The following ZFHX3 variants were observed in gnomAD, a reference collection of about 807,000 sequenced individuals.
ZFHX3 encodes zinc finger homeobox protein 3.
Under a neutral mutation model 279.1 loss-of-function variants are expected in ZFHX3, and 42 were observed. The observed-to-expected ratio is 0.15, with a 90% CI of 0.12 to 0.19. The LOEUF (loss-of-function observed/expected upper bound fraction) is 0.19. Ranked by LOEUF, ZFHX3 falls within the 10% of genes least tolerant of loss-of-function variation. The pLI, the probability that ZFHX3 is intolerant of heterozygous loss-of-function variation, is 1.00. For synonymous variants in ZFHX3, 2,293 were observed against 1,957.8 expected, an observed-to-expected ratio of 1.17 and a Z score of -4.52; for missense variants, 4,981 against 4,754.0, an observed-to-expected ratio of 1.05 and a Z score of -1.40.
intron 3 of ZFHX3, among the ~76,000 whole-genome samples, chr16:73,363,484 T>A (rs1378118454): frequency 3.3e-5 from 5 of 152,264 alleles, no homozygotes; most frequent in Middle Eastern, 3.4e-3. Context: ...CCCCTGAATA[T>A]GCACTCAACG....
intron 1 of ZFHX3, among the ~76,000 whole-genome samples, chr16:73,762,386 A>G (rs1236322407): frequency 6.6e-6 from 1 of 152,246 alleles, no homozygotes; most frequent in Non-Finnish European, 1.5e-5. Flanking sequence ...GTGGAAATGT[A>G]AATTAGTTCA....
At chr16:73,784,795 A>AT (rs1302073473) in intron 1 of ZFHX3, among the ~76,000 whole-genome samples, 2,068 of 119,948 alleles carry the variant, frequency 0.017, 21 homozygotes, top group South Asian at 0.03. Context: ...ATAAAAAAAA[A>AT]AATATATATA....
chr16:73,620,943 G>T (rs982248157), intron 2 of ZFHX3, among the ~76,000 whole-genome samples: 1 of 152,254 alleles, frequency 6.6e-6, no homozygotes, highest in South Asian at 2.1e-4. Flanking sequence ...ATCCCAGCCA[G>T]ACCCTTAGAT....
At chr16:73,228,658 G>A (rs1158460398) in intron 5 of ZFHX3, among the ~76,000 whole-genome samples, 1 of 152,152 alleles carries the variant, frequency 6.6e-6, no homozygotes, top group Non-Finnish European at 1.5e-5. Flanking sequence ...GGGAGACCCT[G>A]TCTCAAAAAA....
chr16:73,762,765 G>C (rs2053884793), intron 1 of ZFHX3, among the ~76,000 whole-genome samples: 1 of 152,198 alleles, frequency 6.6e-6, no homozygotes, highest in Non-Finnish European at 1.5e-5. Context: ...TTATAAGTGG[G>C]AGCTGAACAG....
intron 5 of ZFHX3, among the ~76,000 whole-genome samples, chr16:73,255,102 AG>A (rs2013627375): frequency 1.3e-5 from 2 of 152,242 alleles, no homozygotes; most frequent in Non-Finnish European, 2.9e-5. Flanking sequence ...TAGCCGGCAA[AG>A]AATATCCAGA....
intron 2 of ZFHX3, among the ~76,000 whole-genome samples, chr16:73,603,986 C>T (rs2052151884): frequency 6.6e-6 from 1 of 151,960 alleles, no homozygotes; most frequent in African/African-American, 2.4e-5. Context: ...TCCATGTTGG[C>T]CAGGCTGCTC....
intron 1 of ZFHX3, among the ~76,000 whole-genome samples, chr16:72,996,107 A>C (rs1963276781): frequency 6.8e-6 from 1 of 146,984 alleles, no homozygotes; most frequent in Non-Finnish European, 1.5e-5. Context: ...GTCTCTACTA[A>C]ACACACACAC....
chr16:72,881,288 C>A (rs544328072), intron 4 of ZFHX3, among the ~76,000 whole-genome samples: 2 of 152,282 alleles, frequency 1.3e-5, no homozygotes, highest in South Asian at 4.1e-4. Context: ...GAGAAGCTTC[C>A]TTGTGGCTCT....
In ZFHX3 at chr16:73,317,781, G is replaced by C. The variant is rs536396539; in HGVS notation, c.-1194+459C>G. 7.9e-5 allele frequency among the ~76,000 whole-genome samples: 12 copies of C among 152,306 alleles called. No individual in the cohort carries two copies. The South Asian group carries it at 2.5e-3, about 32-fold the overall frequency. On this transcript the variant is annotated intron_variant, in intron 4 of 17. Transcript: ENST00000641206. ...TAATCTTTCATTGTTTGGAGAATGT[G>C]ATAAATGAGAGGGATAATAAAGCCA... is the stretch of plus-strand genomic sequence containing the variant.
intron 1 of ZFHX3, among the ~76,000 whole-genome samples, chr16:73,761,619 C>A (rs764182904): frequency 6.6e-6 from 1 of 152,084 alleles, no homozygotes; most frequent in East Asian, 1.9e-4. Flanking sequence ...CAGCATAATA[C>A]CAGTACAAAA....
chr16:73,574,348 C>G (rs1383546186), intron 2 of ZFHX3, among the ~76,000 whole-genome samples: 3 of 151,974 alleles, frequency 2.0e-5, no homozygotes, highest in African/African-American at 4.8e-5. Context: ...TTCTTGGGCC[C>G]CCCCCAGCAT....
chr16:73,862,232 C>G (rs577784041), intron 1 of ZFHX3, among the ~76,000 whole-genome samples: 65 of 152,274 alleles, frequency 4.3e-4, no homozygotes, highest in African/African-American at 1.5e-3. Flanking sequence ...TTCTAGGTTC[C>G]GTCCTGGAAG....
At chr16:73,207,325 G>A (rs764438837) in intron 5 of ZFHX3, among the ~76,000 whole-genome samples, 28 of 152,250 alleles carry the variant, frequency 1.8e-4, no homozygotes, top group Non-Finnish European at 3.4e-4. Flanking sequence ...TGAAGTAAAC[G>A]TTGTTCACTT....
chr16:73,531,400 A>G (rs2432547), intron 2 of ZFHX3, among the ~76,000 whole-genome samples: 1 of 152,162 alleles, frequency 6.6e-6, no homozygotes, highest in African/African-American at 2.4e-5. Flanking sequence ...TTATGCAGGA[A>G]TTGTCTTGTT....
chr16:73,706,612 C>T (rs572107123), intron 1 of ZFHX3, among the ~76,000 whole-genome samples: 74 of 152,262 alleles, frequency 4.9e-4, no homozygotes, highest in African/African-American at 1.7e-3. Context: ...CATCACAGCC[C>T]TTCCCACCTA....
At chr16:73,121,274 C>T (rs4788703) in intron 7 of ZFHX3, among the ~76,000 whole-genome samples, 80,254 of 152,024 alleles carry the variant, frequency 0.53, 22,640 homozygotes, top group Middle Eastern at 0.75. Flanking sequence ...AAAGACTTAA[C>T]ACAATAAAAA....
intron 5 of ZFHX3, among the ~76,000 whole-genome samples, chr16:73,236,830 A>G (rs2012964137): frequency 6.6e-6 from 1 of 152,186 alleles, no homozygotes. Flanking sequence ...AAGAAAAAAA[A>G]GATAGAAATC....
intron 1 of ZFHX3, among the ~76,000 whole-genome samples, chr16:73,806,168 T>C (rs1960271046): frequency 6.6e-6 from 1 of 152,158 alleles, no homozygotes; most frequent in South Asian, 2.1e-4. Context: ...ATTGCCCCAG[T>C]GATTCAATTA....
Sources: gnomAD v4.1 joint callset for allele counts (sites outside exome capture counted in the v4.1 genomes callset) on GRCh38, gnomAD v4.1.1 for gene constraint, MANE v1.5 for transcripts, NCBI Gene and HGNC (gene_info 2026-07-23, HGNC 2026-07-21) for gene names.